TRIQK: variants seen among roughly 807,000 people sequenced by gnomAD.
The protein encoded by TRIQK is triple QxxK/R motif-containing protein.
Under a neutral mutation model 10.8 loss-of-function variants are expected in TRIQK, and 10 were observed. The observed-to-expected ratio is 0.92, with a 90% confidence interval of 0.57 to 1.57. TRIQK has a LOEUF of 1.57. TRIQK is among the 40% of genes most tolerant of loss of function. TRIQK has a pLI of 0.00. For synonymous variants in TRIQK, 33 were observed against 33.7 expected (o/e 0.98, Z 0.07); for missense variants, 107 against 97.7 (o/e 1.09, Z -0.40).
chr8:92,967,974 A>G (rs915327018), upstream of TRIQK, among the ~76,000 whole-genome samples: 23 of 152,076 alleles, frequency 1.5e-4, no homozygotes, highest in African/African-American at 5.6e-4. Flanking sequence ...ACAGCAATGC[A>G]TTTGTACAGC....
intron 3 of TRIQK, among the ~76,000 whole-genome samples, chr8:92,893,323 A>G (rs1816853548): frequency 6.6e-6 from 1 of 152,004 alleles, no homozygotes; most frequent in African/African-American, 2.4e-5. Flanking sequence ...TGTCCATTAG[A>G]CACATAAAAG....
Position 92,893,023 on chromosome 8 carries a change from A to G in TRIQK, c.62-949T>C, listed in dbSNP as rs1816838907. Among the ~76,000 whole-genome samples the G allele has an allele frequency of 2.0e-5, 3 of 151,942 alleles. No individual in the cohort carries two copies. The South Asian group carries it at 6.2e-4, about 32-fold the overall frequency. ...CTATTTTATATTCTTATTTTGTTTT[A>G]TTTTCATCTTTTCCCCTTCCTTTCG... On this transcript the variant is annotated intron_variant, in intron 3 of 4. Transcript: ENST00000521988.
intron 2 of TRIQK, among the ~76,000 whole-genome samples, chr8:92,936,465 G>A (rs771584770): frequency 6.6e-6 from 1 of 151,552 alleles, no homozygotes. Context: ...GATAGAGGAT[G>A]AACAGAGGGA....
chr8:92,905,555 C>A (rs991358357), intron 3 of TRIQK, among the ~76,000 whole-genome samples: 1 of 152,104 alleles, frequency 6.6e-6, no homozygotes, highest in African/African-American at 2.4e-5. Context: ...ACTTGGATGG[C>A]GGATCCATGG....
In TRIQK at chr8:92,902,910, CTAGAT is replaced by C. The variant is rs144652105; in HGVS notation, c.62-10841_62-10837del. 2.5e-4 allele frequency among the ~76,000 whole-genome samples: 38 copies of C among 151,702 alleles called. No homozygotes were observed. In the South Asian group the frequency reaches 5.4e-3, roughly 22 times the overall value. On this transcript the variant is annotated intron_variant, in intron 3 of 4. Transcript: ENST00000521988. ...TAAATTATGTATTGTGATTTTGACT[CTAGAT>C]TAATGTTTTAATGGTTGCCCTAGAA... is the stretch of plus-strand genomic sequence containing the variant.
At chr8:92,941,555 CTT>C (rs887581672) in intron 2 of TRIQK, among the ~76,000 whole-genome samples, 4 of 151,560 alleles carry the variant, frequency 2.6e-5, no homozygotes, top group African/African-American at 7.3e-5. Context: ...AGAAATGAAA[CTT>C]ATAATCAATA....
At position 92,886,658 on chromosome 8, in the gene TRIQK, C is replaced by A. The variant is rs1050709969; in HGVS notation, c.225G>T (p.Thr75=). 1 of 1,530,472 alleles carries A rather than the reference C, an allele frequency of 6.5e-7. No homozygotes were observed. Among genetic ancestry groups the A allele is most frequent in the Admixed American group, 2.0e-5 (1 of 50,650 alleles). 94.8% of individuals were successfully genotyped at this position (1,530,472 alleles called of 1,614,324 possible). A position where few individuals can be genotyped will look rare whatever the true frequency, so the allele number is the denominator to read the frequency against. Residue 75 remains threonine (T), a synonymous_variant, in exon 5 of 5, where the codon ACG becomes ACT. Coordinates refer to ENST00000521988, the MANE Select transcript of TRIQK (RefSeq NM_001171797.2). The part of the protein sequence containing the change: ...FYAFFYLRLT[T]DVDPDLDQDE... ...CTTGGTCCAGATCAGGGTCAACATC[C>A]GTGGTGAGTCTGAGATAAAAGAAAG... is the stretch of plus-strand genomic sequence containing the variant.
chr8:93,009,964 G>T (rs1813315086), intron 1 of TRIQK, among the ~76,000 whole-genome samples: 1 of 152,058 alleles, frequency 6.6e-6, no homozygotes, highest in Non-Finnish European at 1.5e-5. Context: ...CCTGTCCTTT[G>T]TAACAACATG....
chr8:93,002,291 G>C (rs1202781156), intron 1 of TRIQK, among the ~76,000 whole-genome samples: 5 of 151,928 alleles, frequency 3.3e-5, no homozygotes, highest in Non-Finnish European at 7.4e-5. Context: ...CAGAAATAAA[G>C]ACTACAAAAA....
At chr8:92,894,447 A>G (rs1816915667) in intron 3 of TRIQK, among the ~76,000 whole-genome samples, 1 of 149,420 alleles carries the variant, frequency 6.7e-6, no homozygotes. Flanking sequence ...CTTACACCTA[A>G]GGGAAAAAAA....
At chr8:92,912,261 A>G (rs920528551) in intron 3 of TRIQK, among the ~76,000 whole-genome samples, 2 of 151,868 alleles carry the variant, frequency 1.3e-5, no homozygotes, top group Admixed American at 6.6e-5. Flanking sequence ...CTAGAAATCA[A>G]TAACAAAAGG....
At chr8:92,960,812 A>G (rs969662178) in intron 1 of TRIQK, 2 of 152,240 alleles carry the variant, frequency 1.3e-5, no homozygotes, top group African/African-American at 4.8e-5. Flanking sequence ...AAAGTGACCT[A>G]TATCAGACTT....
At chr8:92,946,285 A>G (rs1225426507) in intron 2 of TRIQK, among the ~76,000 whole-genome samples, 1 of 152,164 alleles carries the variant, frequency 6.6e-6, no homozygotes, top group African/African-American at 2.4e-5. Flanking sequence ...CTAAATATGG[A>G]AAGAAAAACA....
intron 4 of TRIQK, among the ~76,000 whole-genome samples, chr8:92,888,147 C>T (rs1222455650): frequency 6.6e-6 from 1 of 151,606 alleles, no homozygotes; most frequent in Non-Finnish European, 1.5e-5. Flanking sequence ...AAGTGACACA[C>T]AACTGCAAAC....
intron 2 of TRIQK, among the ~76,000 whole-genome samples, chr8:92,930,390 C>CA (rs66513185): frequency 0.037 from 1,711 of 46,716 alleles, 8 homozygotes; most frequent in South Asian, 0.057. Context: ...ACTAGGTCTC[C>CA]AAAAAAAAAA....
At chr8:92,935,016 C>T (rs1810912557) in intron 2 of TRIQK, among the ~76,000 whole-genome samples, 1 of 151,746 alleles carries the variant, frequency 6.6e-6, no homozygotes, top group South Asian at 2.1e-4. Flanking sequence ...CCAAGTTAAA[C>T]TGTAATACAA....
chr8:92,919,482 C>T (rs141193825), intron 2 of TRIQK, among the ~76,000 whole-genome samples: 36 of 151,942 alleles, frequency 2.4e-4, no homozygotes, highest in African/African-American at 8.4e-4. Flanking sequence ...GCATCACTGG[C>T]GTGATCCAAC....
intron 4 of TRIQK, among the ~76,000 whole-genome samples, chr8:92,887,695 A>G (rs765283798): frequency 1.5e-4 from 22 of 151,632 alleles, no homozygotes; most frequent in Non-Finnish European, 2.2e-4. Flanking sequence ...ATGCATTAGC[A>G]TTTACATGAA....
At chr8:92,912,182 G>A (rs1326797254) in intron 3 of TRIQK, among the ~76,000 whole-genome samples, 3 of 151,482 alleles carry the variant, frequency 2.0e-5, no homozygotes, top group Non-Finnish European at 3.0e-5. Flanking sequence ...AGGTCACAAA[G>A]TAAGTTTTAA....
Sources: allele counts gnomAD v4.1 joint callset (sites outside exome capture counted in the v4.1 genomes callset), GRCh38; gene constraint gnomAD v4.1.1; transcripts MANE v1.5; gene names NCBI Gene and HGNC (gene_info 2026-07-23, HGNC 2026-07-21).